Variants in KIRREL3 observed in about 807,000 individuals in gnomAD.
KIRREL3 encodes kirre like nephrin family adhesion molecule 3.
Under a neutral mutation model 89.7 loss-of-function variants are expected in KIRREL3, and 36 were observed. That is an observed-to-expected ratio of 0.40 (90% confidence interval 0.31 to 0.53). The LOEUF (loss-of-function observed/expected upper bound fraction) is 0.53. Ranked by LOEUF, KIRREL3 falls within the 20% of genes least tolerant of loss-of-function variation. The probability of loss-of-function intolerance (pLI) is 0.49; values close to 1 mark genes in which losing one functional copy is unlikely to be tolerated. For missense variants in KIRREL3, 864 were observed against 1,056.6 expected, an observed-to-expected ratio of 0.82 and a Z score of 2.53; for synonymous variants, 445 against 441.4, an observed-to-expected ratio of 1.01 and a Z score of -0.10.
At position 126,903,728 on chromosome 11, in the gene KIRREL3, C is replaced by T. The variant is rs1287523539; in HGVS notation, c.55+96727G>A. 6.6e-6 allele frequency among the ~76,000 whole-genome samples: 1 copy of T among 152,166 alleles called. No homozygotes were observed. Among genetic ancestry groups the T allele is most frequent in the African/African-American group, 2.4e-5 (1 of 41,428 alleles). On this transcript the variant is annotated intron_variant, in intron 1 of 16. Transcript: ENST00000525144. This position sits in a 1 kb window ranked among gnomAD's most constrained non-coding sequence, Gnocchi z 4.5. Reference sequence around the variant, plus strand: ...ATGATGAAAATGAGATATGTTGGGCCACCAACGCTTTCTGTAATCACCTTA... The same window carrying T: ...ATGATGAAAATGAGATATGTTGGGCTACCAACGCTTTCTGTAATCACCTTA...
rs1938274042 is a variant in KIRREL3, at chr11:126,540,462, G to C, written c.134-13775C>G. Among the ~76,000 whole-genome samples, 4 of 152,216 alleles carry C rather than the reference G, an allele frequency of 2.6e-5. No individual in the cohort carries two copies. In the South Asian group the frequency reaches 8.3e-4, roughly 32 times the overall value. On this transcript the variant is annotated intron_variant, in intron 2 of 16. Coordinates refer to ENST00000525144, the MANE Select transcript of KIRREL3 (RefSeq NM_032531.4). ...CTCCCAGGACACAAAATCCACCAAGGTTGTCCTGGACAGTGTGGGTCTTTA... is the reference window on the plus strand; with the variant it reads ...CTCCCAGGACACAAAATCCACCAAGCTTGTCCTGGACAGTGTGGGTCTTTA...
rs745421620 is a variant in KIRREL3 at position 126,516,564 on chromosome 11, C to T, written c.433+4751G>A. Among the ~76,000 whole-genome samples, 1 of 152,176 alleles carries T rather than the reference C, an allele frequency of 6.6e-6. No individual in the cohort carries two copies. Among genetic ancestry groups the T allele is most frequent in the Non-Finnish European group, 1.5e-5 (1 of 68,044 alleles). On this transcript the variant is annotated intron_variant, in intron 4 of 16. Transcript: ENST00000525144. This position sits in a 1 kb window ranked among gnomAD's most constrained non-coding sequence, Gnocchi z 4.9. ...TCGTTTCCTGATGAATCCCACGTGT[C>T]TAGACTAGTGCTTGGCATATAACAG... is the stretch of plus-strand genomic sequence containing the variant.
rs1947136726 is a variant in KIRREL3, at chr11:126,918,627, T to C, written c.55+81828A>G. On this transcript the variant is annotated intron_variant, in intron 1 of 16. Transcript: ENST00000525144. The surrounding 1 kb of genome is among the most constrained non-coding windows in gnomAD (Gnocchi z 6.5). ...TGATACATTCTCTGCCTCCTAGGAG[T>C]TTATAATCTAAGAAAGGGATTGCAA... Among the ~76,000 whole-genome samples the C allele has an allele frequency of 6.6e-6, 1 of 152,100 alleles. No individual in the cohort carries two copies. Among genetic ancestry groups the C allele is most frequent in the Non-Finnish European group, 1.5e-5 (1 of 67,996 alleles).
At chr11:126,731,339 A>C (rs1365188335) in intron 1 of KIRREL3, among the ~76,000 whole-genome samples, 4 of 152,214 alleles carry the variant, frequency 2.6e-5, no homozygotes, top group African/African-American at 9.6e-5. Flanking sequence ...AAATGACCCT[A>C]TCCCAGGGTC....
chr11:126,982,954 A>C (rs375036956), intron 1 of KIRREL3, among the ~76,000 whole-genome samples: 1 of 152,246 alleles, frequency 6.6e-6, no homozygotes, highest in African/African-American at 2.4e-5. Context: ...AGTGAGGTTT[A>C]ACTACAGCAT....
At chr11:126,510,157 A>G (rs1442605619) in intron 4 of KIRREL3, among the ~76,000 whole-genome samples, 4 of 152,126 alleles carry the variant, frequency 2.6e-5, no homozygotes, top group Non-Finnish European at 4.4e-5. Flanking sequence ...CTGGATAGGA[A>G]AGGAACATCC....
intron 1 of KIRREL3, among the ~76,000 whole-genome samples, chr11:126,980,146 C>T (rs746424629): frequency 3.9e-5 from 6 of 152,062 alleles, no homozygotes; most frequent in Non-Finnish European, 5.9e-5. Flanking sequence ...AAATATGAAG[C>T]GTATTTCAGT....
Position 126,564,253 on chromosome 11 carries a change from G to A in KIRREL3, c.56-1341C>T, listed in dbSNP as rs112510048. Among the ~76,000 whole-genome samples the A allele has an allele frequency of 4.2e-3, 646 of 152,282 alleles. 3 individuals carry two copies. The highest frequency in any genetic ancestry group is 0.015 in the African/African-American group (618 of 41,568). Reference sequence around the variant, plus strand: ...AGTGTCTAGGCTCAAGAGGATAGACGGAGCGGGTCATTCCTCTTTCTCCTC... The same window carrying A: ...AGTGTCTAGGCTCAAGAGGATAGACAGAGCGGGTCATTCCTCTTTCTCCTC... On this transcript the variant is annotated intron_variant, in intron 1 of 16. Transcript: ENST00000525144. This position sits in a 1 kb window ranked among gnomAD's most constrained non-coding sequence, Gnocchi z 7.4.
chr11:126,450,485 G>A lies in KIRREL3; in HGVS notation c.849-1328C>T, dbSNP rs1342246789. ...TGTGTGAATGTGTGCATGTGTGTGG[G>A]TGTGAGTGTGTGCATGTGTGCATGT... On this transcript the variant is annotated intron_variant, in intron 7 of 16. Transcript: ENST00000525144. 2.1e-5 allele frequency among the ~76,000 whole-genome samples: 3 copies of A among 145,234 alleles called. No homozygotes were observed. The East Asian group carries it at 6.0e-4, about 29-fold the overall frequency.
intron 2 of KIRREL3, among the ~76,000 whole-genome samples, chr11:126,532,463 C>G (rs1958973235): frequency 1.3e-5 from 2 of 152,266 alleles, no homozygotes; most frequent in Admixed American, 1.3e-4. Flanking sequence ...GCAACCTCCC[C>G]CTCCTGGGTT....
chr11:126,899,135 G>C (rs1365529577), intron 1 of KIRREL3, among the ~76,000 whole-genome samples: 1 of 152,034 alleles, frequency 6.6e-6, no homozygotes, highest in Non-Finnish European at 1.5e-5. Flanking sequence ...AAAAACCCAG[G>C]AGATGCACTA....
intron 1 of KIRREL3, among the ~76,000 whole-genome samples, chr11:126,881,660 G>T (rs1387452036): frequency 6.6e-6 from 1 of 152,112 alleles, no homozygotes; most frequent in African/African-American, 2.4e-5. Flanking sequence ...CAGTTCTCAG[G>T]CCTCAGCATT....
In KIRREL3 at chr11:126,562,169, A is replaced by T. The variant is rs1275704844; in HGVS notation, c.133+666T>A. Among the ~76,000 whole-genome samples, 2 of 152,108 alleles carry T rather than the reference A, an allele frequency of 1.3e-5. No homozygotes were observed. Among genetic ancestry groups the T allele is most frequent in the African/African-American group, 2.4e-5 (1 of 41,398 alleles). ...GCTGCATGGAGACAGATGGCTAGGG[A>T]TGGAGAGGATTGGTTCTTTATTACA... On this transcript the variant is annotated intron_variant, in intron 2 of 16. Transcript: ENST00000525144. The surrounding 1 kb of genome is among the most constrained non-coding windows in gnomAD (Gnocchi z 4.7).
Position 126,768,753 on chromosome 11 carries a change from C to A in KIRREL3, c.56-205841G>T, listed in dbSNP as rs1159557459. Among the ~76,000 whole-genome samples, 1 of 152,104 alleles carries A rather than the reference C, an allele frequency of 6.6e-6. No homozygotes were observed. Among genetic ancestry groups the A allele is most frequent in the East Asian group, 1.9e-4 (1 of 5,172 alleles). On this transcript the variant is annotated intron_variant, in intron 1 of 16. Transcript: ENST00000525144. The surrounding 1 kb of genome is among the most constrained non-coding windows in gnomAD (Gnocchi z 4.5). ...CCTAAGGTGAGAATGACCCAGGTGC[C>A]TTCAGGAATAGAAGGAAGGTCACTG...
chr11:126,492,540 G>T lies in KIRREL3; in HGVS notation c.434-19074C>A. 6.6e-6 allele frequency among the ~76,000 whole-genome samples: 1 copy of T among 152,184 alleles called. No individual in the cohort carries two copies. The highest frequency in any genetic ancestry group is 2.4e-5 in the African/African-American group (1 of 41,440). ...GGCTAGGGGAGCATGGGGCTGGAGTGGGAAGGAGGAGGAGGAGGGATGAGG... is the reference window on the plus strand; with the variant it reads ...GGCTAGGGGAGCATGGGGCTGGAGTTGGAAGGAGGAGGAGGAGGGATGAGG... On this transcript the variant is annotated intron_variant, in intron 4 of 16. Coordinates refer to ENST00000525144, the MANE Select transcript of KIRREL3 (RefSeq NM_032531.4). The surrounding 1 kb of genome is among the most constrained non-coding windows in gnomAD (Gnocchi z 4.8).
rs1447702038 is a variant in KIRREL3 at position 126,830,122 on chromosome 11, A to T, written c.55+170333T>A. On this transcript the variant is annotated intron_variant, in intron 1 of 16. Coordinates refer to ENST00000525144, the MANE Select transcript of KIRREL3 (RefSeq NM_032531.4). This position sits in a 1 kb window ranked among gnomAD's most constrained non-coding sequence, Gnocchi z 4.9. ...CAAAAGAAAAAAAACCCATCCCCTT[A>T]CTGCTGGAAATCACATCGCTGGCTT... is the stretch of plus-strand genomic sequence containing the variant. 6.6e-6 allele frequency among the ~76,000 whole-genome samples: 1 copy of T among 152,134 alleles called. No homozygotes were observed. Among genetic ancestry groups the T allele is most frequent in the African/African-American group, 2.4e-5 (1 of 41,424 alleles).
In KIRREL3 at chr11:126,642,371, C is replaced by G. The variant is rs1048023557; in HGVS notation, c.56-79459G>C. On this transcript the variant is annotated intron_variant, in intron 1 of 16. Transcript: ENST00000525144. The surrounding 1 kb of genome is among the most constrained non-coding windows in gnomAD (Gnocchi z 4.9). ...TAGGCAATGCCTTCCTGGGAGATAACATTGCATTTATTCCAGGACTCCTAC... is the reference window on the plus strand; with the variant it reads ...TAGGCAATGCCTTCCTGGGAGATAAGATTGCATTTATTCCAGGACTCCTAC... 6.6e-6 allele frequency among the ~76,000 whole-genome samples: 1 copy of G among 152,208 alleles called. No homozygotes were observed. The highest frequency in any genetic ancestry group is 1.5e-5 in the Non-Finnish European group (1 of 68,028).
Position 126,780,053 on chromosome 11 carries a change from G to A in KIRREL3, c.56-217141C>T, listed in dbSNP as rs1161973365. Among the ~76,000 whole-genome samples the A allele has an allele frequency of 6.6e-6, 1 of 152,098 alleles. No individual in the cohort carries two copies. The highest frequency in any genetic ancestry group is 1.5e-5 in the Non-Finnish European group (1 of 68,030). On this transcript the variant is annotated intron_variant, in intron 1 of 16. Transcript: ENST00000525144. This position sits in a 1 kb window ranked among gnomAD's most constrained non-coding sequence, Gnocchi z 5.3. The stretch of plus-strand genomic sequence containing the variant: ...GCCCCACGCTGTATCTGGAAGGGAG[G>A]ACTGAACTTCAGAGGGAAAAGCAGG...
intron 1 of KIRREL3, among the ~76,000 whole-genome samples, chr11:126,731,114 C>A (rs1051798397): frequency 6.6e-6 from 1 of 152,214 alleles, no homozygotes; most frequent in Non-Finnish European, 1.5e-5. Flanking sequence ...CTGCCTCCTG[C>A]GAGAATGCTT....
Sources: gnomAD v4.1 joint callset for allele counts (sites outside exome capture counted in the v4.1 genomes callset) on GRCh38, gnomAD v4.1.1 for gene constraint, Gnocchi (gnomAD v3.1) non-coding constraint, MANE v1.5 for transcripts, NCBI Gene and HGNC (gene_info 2026-07-23, HGNC 2026-07-21) for gene names.